USP15: variants seen among roughly 807,000 people sequenced by gnomAD.
USP15 encodes the protein ubiquitin specific peptidase 15, also known as ubiquitin carboxyl-terminal hydrolase 15.
A neutral mutation model predicts 127.1 loss-of-function variants in USP15; 18 were observed. The observed-to-expected ratio is 0.14, with a 90% confidence interval of 0.10 to 0.21. The LOEUF is 0.21. Ranked by LOEUF, USP15 falls within the 10% of genes least tolerant of loss-of-function variation. The pLI, the probability that USP15 is intolerant of heterozygous loss-of-function variation, is 1.00. For missense variants in USP15, 805 were observed against 1,159.9 expected, an observed-to-expected ratio of 0.69 and a Z score of 4.44; for synonymous variants, 364 against 393.7, an observed-to-expected ratio of 0.92 and a Z score of 0.89.
intron 1 of USP15, among the ~76,000 whole-genome samples, chr12:62,275,475 ATTTG>A (rs2063466891): frequency 6.6e-6 from 1 of 151,670 alleles, no homozygotes; most frequent in Non-Finnish European, 1.5e-5. Flanking sequence ...AATCCGTTGG[ATTTG>A]TTAAGGTGGT....
intron 9 of USP15, among the ~76,000 whole-genome samples, chr12:62,382,439 A>G (rs1317418805): frequency 6.6e-6 from 1 of 151,992 alleles, no homozygotes; most frequent in East Asian, 1.9e-4. Context: ...TTTATTAGCT[A>G]TATACTAGTT....
rs143318817 is a variant in USP15, at chr12:62,353,775, G to A, written c.771-1556G>A. Among the ~76,000 whole-genome samples the A allele has an allele frequency of 8.7e-4, 132 of 152,002 alleles. 1 individual carries two copies. The highest frequency in any genetic ancestry group is 2.9e-3 in the African/African-American group (122 of 41,492). On this transcript the variant is annotated intron_variant, in intron 7 of 21. Transcript: ENST00000280377. The stretch of plus-strand genomic sequence containing the variant: ...AAAATACTTAAAATTGCTAATAGGC[G>A]CTTTGTACTTTATTAGTTACTAGGA...
chr12:62,302,668 T>C (rs2064352215), intron 2 of USP15, 122 bp from the exon 3 acceptor site: 1 of 1,055,204 alleles, frequency 9.5e-7, no homozygotes, highest in Non-Finnish European at 1.3e-6. Flanking sequence ...GTAAGGGAGC[T>C]GAATTGCTTT....
Position 62,260,479 on chromosome 12 carries a change from C to G in USP15, c.65C>G (p.Thr22Ser). The change falls in exon 1 of 22, where the codon ACC (threonine) becomes AGC (serine). Residue 22 changes from threonine to serine, a missense_variant. Thr to Ser is a moderately conservative substitution (Grantham distance 58, BLOSUM62 1). Transcript: ENST00000280377. ...TCTGACATCGCGACGCTGCTCAAAACCTCGCTCCGGAAAGGGGACACCTGG... is the reference window on the plus strand; with the variant it reads ...TCTGACATCGCGACGCTGCTCAAAAGCTCGCTCCGGAAAGGGGACACCTGG... ...QRSDIATLLK[T>S]SLRKGDTWYL... The G allele has an allele frequency of 6.4e-7, 1 of 1,551,686 alleles. No homozygotes were observed. Among genetic ancestry groups the G allele is most frequent in the Non-Finnish European group, 8.7e-7 (1 of 1,147,314 alleles).
rs1378937055 is a variant in USP15 at position 62,413,740 on chromosome 12, C to G, written c.*9365C>G. ...TTAAAAAAAAAAAAACTCAGGCTTTCTCTATACCACTTTTCTTATGATTCA... is the reference window on the plus strand; with the variant it reads ...TTAAAAAAAAAAAAACTCAGGCTTTGTCTATACCACTTTTCTTATGATTCA... On this transcript the variant is annotated 3_prime_UTR_variant, in exon 22 of 22. Coordinates refer to ENST00000280377, the MANE Select transcript of USP15 (RefSeq NM_001252078.2). The G allele has an allele frequency of 6.6e-6, 1 of 151,892 alleles. No individual in the cohort carries two copies. Among genetic ancestry groups the G allele is most frequent in the Non-Finnish European group, 1.5e-5 (1 of 67,974 alleles). The allele number at this position is 151,892 out of a possible 1,614,324, so 9.4% of individuals were successfully genotyped here.
chr12:62,280,853 T>A (rs1010179421), intron 1 of USP15, among the ~76,000 whole-genome samples: 4 of 152,168 alleles, frequency 2.6e-5, no homozygotes, highest in Admixed American at 1.3e-4. Context: ...TAGCTAGGGA[T>A]TAGATCATGC....
At chr12:62,347,828 A>G (rs1054485236) in intron 6 of USP15, among the ~76,000 whole-genome samples, 17 of 152,150 alleles carry the variant, frequency 1.1e-4, no homozygotes, top group African/African-American at 4.1e-4. Flanking sequence ...CCAGTAATAT[A>G]TATCATTTAT....
At chr12:62,350,324 C>G (rs1256141608) in intron 7 of USP15, among the ~76,000 whole-genome samples, 1 of 151,866 alleles carries the variant, frequency 6.6e-6, no homozygotes, top group East Asian at 1.9e-4. Context: ...TCTAACAGCT[C>G]AGAAACAGAT....
At chr12:62,292,487 T>A (rs2064001329) in intron 1 of USP15, among the ~76,000 whole-genome samples, 1 of 152,214 alleles carries the variant, frequency 6.6e-6, no homozygotes, top group Non-Finnish European at 1.5e-5. Context: ...CAGTTGCCCC[T>A]CACAGCTTCA....
intron 19 of USP15, chr12:62,393,508 T>C (rs1392556211): frequency 2.0e-5 from 4 of 201,408 alleles, no homozygotes; most frequent in Middle Eastern, 3.7e-3. Context: ...TACTTTATGG[T>C]ACTTAGTGAT....
At chr12:62,326,022 A>G (rs1258167508) in intron 6 of USP15, 89 bp downstream of exon 6, 1 of 1,120,164 alleles carries the variant, frequency 8.9e-7, no homozygotes, top group Non-Finnish European at 1.3e-6. Flanking sequence ...AAGAACCTAG[A>G]TGTGTATTGC....
chr12:62,319,371 C>T (rs1163728991), intron 4 of USP15, among the ~76,000 whole-genome samples: 3 of 152,162 alleles, frequency 2.0e-5, no homozygotes, highest in Non-Finnish European at 2.9e-5. Flanking sequence ...AGAGCCAAAC[C>T]TTATCAGACC....
intron 21 of USP15, 137 bp from the exon 22 acceptor site, chr12:62,404,056 A>G (rs2067785495): frequency 9.6e-7 from 1 of 1,038,346 alleles, no homozygotes; most frequent in East Asian, 2.9e-5. Flanking sequence ...AATTTTAGTA[A>G]CTTCCATTTG....
At chr12:62,396,464 A>G (rs2067493780) in intron 20 of USP15, 66 bp downstream of exon 20, 1 of 1,328,450 alleles carries the variant, frequency 7.5e-7, no homozygotes, top group African/African-American at 1.5e-5. Context: ...TTTTTTCTTT[A>G]AGATATTTAT....
In USP15 at chr12:62,347,699, T is replaced by C. The variant is rs541611699; in HGVS notation, c.684-1522T>C. On this transcript the variant is annotated intron_variant, in intron 6 of 21. Coordinates refer to ENST00000280377, the MANE Select transcript of USP15 (RefSeq NM_001252078.2). The stretch of plus-strand genomic sequence containing the variant: ...CTTTTTAAGTGTGTTCTATACATTG[T>C]TTTATGAGAAAACTTGGTTGATTCT... Among the ~76,000 whole-genome samples, 4 of 152,266 alleles carry C rather than the reference T, an allele frequency of 2.6e-5. No individual in the cohort carries two copies. In the East Asian group the frequency reaches 7.7e-4, roughly 29 times the overall value.
intron 1 of USP15, chr12:62,274,017 T>C (rs2063410100): frequency 6.6e-6 from 1 of 152,096 alleles, no homozygotes; most frequent in African/African-American, 2.4e-5. Flanking sequence ...GTATATGATT[T>C]TACTAGGCAT....
chr12:62,294,447 T>G, intron 2 of USP15, 141 bp downstream of exon 2: 2 of 836,072 alleles, frequency 2.4e-6, no homozygotes, highest in African/African-American at 1.8e-5. Flanking sequence ...GAACTCATTA[T>G]TCTAATAAGT....
chr12:62,291,845 C>T (rs2063979339), intron 1 of USP15, among the ~76,000 whole-genome samples: 1 of 152,164 alleles, frequency 6.6e-6, no homozygotes, highest in East Asian at 1.9e-4. Context: ...AGCAGGCTCA[C>T]AGCCTCCTGT....
At chr12:62,354,282 A>G (rs1428886156) in intron 7 of USP15, among the ~76,000 whole-genome samples, 1 of 151,952 alleles carries the variant, frequency 6.6e-6, no homozygotes, top group Non-Finnish European at 1.5e-5. Flanking sequence ...AACTACTTTA[A>G]AAAAGTAATA....
Sources: allele counts gnomAD v4.1 joint callset (sites outside exome capture counted in the v4.1 genomes callset), GRCh38; gene constraint gnomAD v4.1.1; transcripts MANE v1.5; gene names NCBI Gene and HGNC (gene_info 2026-07-23, HGNC 2026-07-21).